PXDNL: variants seen among roughly 807,000 people sequenced by gnomAD.
PXDNL encodes the protein probable oxidoreductase PXDNL.
A neutral mutation model predicts 150.8 loss-of-function variants in PXDNL; 145 were observed. The ratio of observed to expected loss-of-function variants is 0.96; its 90% CI spans 0.84 to 1.10. The LOEUF is 1.10. PXDNL is among the 50% of genes least tolerant of loss of function. PXDNL has a pLI of 0.00. For synonymous variants in PXDNL, 757 were observed against 725.7 expected, an observed-to-expected ratio of 1.04 and a Z score of -0.69; for missense variants, 2,087 against 1,873.9, an observed-to-expected ratio of 1.11 and a Z score of -2.10.
chr8:51,521,966 A>G (rs1315081833), intron 4 of PXDNL, among the ~76,000 whole-genome samples: 3 of 152,218 alleles, frequency 2.0e-5, no homozygotes, highest in Non-Finnish European at 4.4e-5. Context: ...CAGACAAACA[A>G]AAACTGAGGC....
chr8:51,739,232 C>A (rs980627736), intron 1 of PXDNL, among the ~76,000 whole-genome samples: 1 of 151,894 alleles, frequency 6.6e-6, no homozygotes, highest in African/African-American at 2.4e-5. Context: ...TAGAAAACTA[C>A]AAATGGAGCA....
intron 2 of PXDNL, among the ~76,000 whole-genome samples, chr8:51,652,414 GTC>G (rs1436714636): frequency 7.1e-6 from 1 of 140,864 alleles, no homozygotes; most frequent in East Asian, 2.1e-4. Flanking sequence ...CTTACTGTCT[GTC>G]TCTCTGTCTC....
chr8:51,417,157 T>C (rs1485461641), intron 14 of PXDNL, among the ~76,000 whole-genome samples: 1 of 152,206 alleles, frequency 6.6e-6, no homozygotes, highest in African/African-American at 2.4e-5. Flanking sequence ...GCTTAAGGAA[T>C]AGAACAATCA....
intron 1 of PXDNL, among the ~76,000 whole-genome samples, chr8:51,735,797 C>T (rs1585710898): frequency 6.6e-6 from 1 of 151,774 alleles, no homozygotes; most frequent in African/African-American, 2.4e-5. Flanking sequence ...CCGCCCGCCT[C>T]GGCCTCCCAA....
At chr8:51,771,360 T>C (rs769195063) in intron 1 of PXDNL, among the ~76,000 whole-genome samples, 2 of 152,088 alleles carry the variant, frequency 1.3e-5, no homozygotes, top group Non-Finnish European at 2.9e-5. Flanking sequence ...TACACTTTAC[T>C]ATCTACACCA....
chr8:51,560,672 A>C (rs149228146), intron 3 of PXDNL, among the ~76,000 whole-genome samples: 80 of 152,098 alleles, frequency 5.3e-4, no homozygotes, highest in African/African-American at 1.5e-3. Flanking sequence ...CGAAGACCTA[A>C]AACTGTTAGA....
intron 12 of PXDNL, among the ~76,000 whole-genome samples, chr8:51,434,959 T>C (rs1355764112): frequency 6.6e-6 from 1 of 152,204 alleles, no homozygotes; most frequent in Non-Finnish European, 1.5e-5. Flanking sequence ...AATATATCAA[T>C]GTCACCCAGA....
intron 5 of PXDNL, among the ~76,000 whole-genome samples, chr8:51,489,851 G>A (rs1331258929): frequency 6.6e-6 from 1 of 152,118 alleles, no homozygotes; most frequent in African/African-American, 2.4e-5. Flanking sequence ...CCTTTTCATA[G>A]CAAGTTCTTC....
chr8:51,363,828 G>A (rs1806830832), intron 19 of PXDNL, among the ~76,000 whole-genome samples: 1 of 152,150 alleles, frequency 6.6e-6, no homozygotes, highest in South Asian at 2.1e-4. Flanking sequence ...GCTTTCCCAT[G>A]CACAAGGGCT....
At position 51,493,501 on chromosome 8, in the gene PXDNL, C is replaced by T. The variant is rs113405987; in HGVS notation, c.452+6198G>A. 8.6e-3 allele frequency among the ~76,000 whole-genome samples: 1,315 copies of T among 152,100 alleles called. 8 individuals are homozygous for T. The highest frequency in any genetic ancestry group is 0.03 in the African/African-American group (1,253 of 41,502). On this transcript the variant is annotated intron_variant, in intron 5 of 22. Coordinates refer to ENST00000356297, the MANE Select transcript of PXDNL (RefSeq NM_144651.5). ...CTACTCCGAGCTAAAGGAGGAAGTTCGAACCCATGGCAAAGAAGTTAAAAA... is the reference window on the plus strand; with the variant it reads ...CTACTCCGAGCTAAAGGAGGAAGTTTGAACCCATGGCAAAGAAGTTAAAAA...
chr8:51,366,505 G>GT (rs1806923467), intron 19 of PXDNL, among the ~76,000 whole-genome samples: 2 of 151,674 alleles, frequency 1.3e-5, no homozygotes, highest in South Asian at 4.1e-4. Flanking sequence ...TTTGTCTAAG[G>GT]TTTTTAACAA....
intron 19 of PXDNL, among the ~76,000 whole-genome samples, chr8:51,361,165 A>G (rs1349372191): frequency 6.6e-6 from 1 of 152,142 alleles, no homozygotes; most frequent in Non-Finnish European, 1.5e-5. Context: ...TCTGAGTTTG[A>G]GCAAATTTTT....
At chr8:51,330,074 G>T (rs892745897) in intron 21 of PXDNL, among the ~76,000 whole-genome samples, 1 of 152,132 alleles carries the variant, frequency 6.6e-6, no homozygotes, top group African/African-American at 2.4e-5. Flanking sequence ...CCAATTTTTT[G>T]TTCCATTCAG....
chr8:51,442,420 T>C (rs1426930117), intron 12 of PXDNL, among the ~76,000 whole-genome samples: 1 of 151,786 alleles, frequency 6.6e-6, no homozygotes, highest in Non-Finnish European at 1.5e-5. Context: ...GTGATGACAG[T>C]AGAAATCTTT....
intron 1 of PXDNL, among the ~76,000 whole-genome samples, chr8:51,683,049 A>G (rs1456376719): frequency 2.7e-5 from 4 of 150,522 alleles, no homozygotes; most frequent in African/African-American, 9.8e-5. Context: ...TATATTTTTA[A>G]TTTTCTGAGG....
intron 6 of PXDNL, among the ~76,000 whole-genome samples, chr8:51,478,069 T>A (rs1810521858): frequency 6.6e-6 from 1 of 152,166 alleles, no homozygotes; most frequent in Non-Finnish European, 1.5e-5. Flanking sequence ...ATCTGAGTAA[T>A]CTTTATAAAT....
intron 5 of PXDNL, among the ~76,000 whole-genome samples, chr8:51,495,035 G>A (rs1292777491): frequency 2.0e-5 from 3 of 152,260 alleles, no homozygotes; most frequent in African/African-American, 4.8e-5. Context: ...TGGAAGTAAA[G>A]CACTCCTCAG....
intron 17 of PXDNL, among the ~76,000 whole-genome samples, chr8:51,402,253 G>C (rs1253123080): frequency 1.3e-5 from 2 of 152,140 alleles, no homozygotes; most frequent in Non-Finnish European, 2.9e-5. Context: ...GGCAGGGCTG[G>C]GCACGATGGC....
chr8:51,768,419 T>C (rs1486081759), intron 1 of PXDNL, among the ~76,000 whole-genome samples: 1 of 152,174 alleles, frequency 6.6e-6, no homozygotes, highest in Non-Finnish European at 1.5e-5. Flanking sequence ...GAGTTTTATG[T>C]CAAATTTGGT....
Sources: allele counts gnomAD v4.1 joint callset (sites outside exome capture counted in the v4.1 genomes callset), GRCh38; gene constraint gnomAD v4.1.1; transcripts MANE v1.5; gene names NCBI Gene and HGNC (gene_info 2026-07-23, HGNC 2026-07-21).